ABR: variants seen among roughly 807,000 people sequenced by gnomAD.
ABR encodes ABR activator of RhoGEF and GTPase, also known as active breakpoint cluster region-related protein.
In ABR, 35 loss-of-function variants were observed where a neutral mutation model predicts 107.2. The ratio of observed to expected loss-of-function variants is 0.33; its 90% CI spans 0.25 to 0.43. The LOEUF (loss-of-function observed/expected upper bound fraction) is 0.43. Ranked by LOEUF, ABR falls within the 20% of genes least tolerant of loss-of-function variation. The probability of loss-of-function intolerance (pLI) is 1.00; values close to 1 mark genes in which losing one functional copy is unlikely to be tolerated. For missense variants in ABR, 815 were observed against 1,115.2 expected (o/e 0.73, Z 3.83); for synonymous variants, 498 against 462.0 (o/e 1.08, Z -1.00).
At position 1,172,365 on chromosome 17, in the gene ABR, G is replaced by A. The variant is rs760057470; in HGVS notation, c.61+7302C>T. ...CCCCTTCACAAGGTCTCTGGGTCAGGTTCTCCTCAAGCTTCAGGGACCAGT... is the reference window on the plus strand; with the variant it reads ...CCCCTTCACAAGGTCTCTGGGTCAGATTCTCCTCAAGCTTCAGGGACCAGT... On this transcript the variant is annotated intron_variant, in intron 1 of 22. Transcript: ENST00000302538. 2.0e-5 allele frequency among the ~76,000 whole-genome samples: 3 copies of A among 152,186 alleles called. No individual in the cohort carries two copies. In the South Asian group the frequency reaches 6.2e-4, roughly 32 times the overall value.
rs1263472200 is a variant in ABR at position 1,179,144 on chromosome 17, TC to T, written c.61+522del. Among the ~76,000 whole-genome samples, 1 of 150,574 alleles carries T rather than the reference TC, an allele frequency of 6.6e-6. No homozygotes were observed. Among genetic ancestry groups the T allele is most frequent in the Non-Finnish European group, 1.5e-5 (1 of 67,696 alleles). On this transcript the variant is annotated intron_variant, in intron 1 of 22. Transcript: ENST00000302538. This position sits in a 1 kb window ranked among gnomAD's most constrained non-coding sequence, Gnocchi z 4.9. ...GGATATCTGCACCCCCCGTCTCCCC[TC>T]CCACCCGATCCCACCCCAGCACCGA...
In ABR at chr17:1,125,789, T is replaced by TC. The variant is rs2039574298; in HGVS notation, c.62-423dup. ...AGGAGGTGGGGGGGGCCGGTCGATG[T>TC]CACTTCCTGTGGCCCTCCTCCTTGG... On this transcript the variant is annotated intron_variant, in intron 1 of 22. Coordinates refer to ENST00000302538, the MANE Select transcript of ABR (RefSeq NM_021962.5). The TC allele has an allele frequency of 2.4e-5, 5 of 211,320 alleles. No individual in the cohort carries two copies. In the South Asian group the frequency reaches 9.0e-4, roughly 38 times the overall value. The allele number at this position is 211,320 out of a possible 1,614,324, so 13.1% of individuals were successfully genotyped here.
At chr17:1,049,204 C>A (rs2032137577) in intron 16 of ABR, among the ~76,000 whole-genome samples, 1 of 152,040 alleles carries the variant, frequency 6.6e-6, no homozygotes, top group Non-Finnish European at 1.5e-5. Context: ...TTTTTGGAGA[C>A]ACGGTCTGAC....
At chr17:1,145,536 C>T (rs1004425814) in intron 1 of ABR, among the ~76,000 whole-genome samples, 2 of 152,220 alleles carry the variant, frequency 1.3e-5, no homozygotes, top group Admixed American at 6.5e-5. Flanking sequence ...TTCAATCCAA[C>T]GGTGCTCACC....
rs1156328262 is a variant in ABR, at chr17:1,157,970, T to C, written c.61+21697A>G. ...TTATGAGGCTCATTTCAAGCGTGCA[T>C]GGGTATATGTGTGTGTGCAGATGTA... On this transcript the variant is annotated intron_variant, in intron 1 of 22. Transcript: ENST00000302538. The surrounding 1 kb of genome is among the most constrained non-coding windows in gnomAD (Gnocchi z 4.7). 1.3e-5 allele frequency among the ~76,000 whole-genome samples: 2 copies of C among 152,176 alleles called. No homozygotes were observed. Among genetic ancestry groups the C allele is most frequent in the East Asian group, 1.9e-4 (1 of 5,196 alleles).
chr17:1,202,618 G>C (rs1181983475), intron 1 of ABR, among the ~76,000 whole-genome samples: 1 of 152,032 alleles, frequency 6.6e-6, no homozygotes, highest in Admixed American at 6.6e-5. Flanking sequence ...CTTCACATAT[G>C]AGCTGGCAGC....
At chr17:1,023,170 G>A (rs1296336842) in intron 16 of ABR, among the ~76,000 whole-genome samples, 9 of 151,862 alleles carry the variant, frequency 5.9e-5, no homozygotes, top group African/African-American at 9.7e-5. Context: ...CCGGCCCCAC[G>A]TCCACTCCAG....
At chr17:1,185,364 G>A in intron 1 of ABR, among the ~76,000 whole-genome samples, 1 of 152,142 alleles carries the variant, frequency 6.6e-6, no homozygotes, top group East Asian at 1.9e-4. Context: ...TGCGCCCAGG[G>A]CCAGGCACAG....
chr17:1,223,529 C>T (rs1169975752), intron 1 of ABR, among the ~76,000 whole-genome samples: 1 of 152,070 alleles, frequency 6.6e-6, no homozygotes, highest in African/African-American at 2.4e-5. Flanking sequence ...AGCTGGGTGA[C>T]CATGGGCAAT....
At position 1,037,820 on chromosome 17, in the gene ABR, T is replaced by C. The variant is rs771487580; in HGVS notation, c.1791+12230A>G. The stretch of plus-strand genomic sequence containing the variant: ...CCGAACACCTCCCTTCCACCCAAGC[T>C]CCGAGCTCATGGTGGCCAGAAGCAA... On this transcript the variant is annotated intron_variant, in intron 16 of 22. Coordinates refer to ENST00000302538, the MANE Select transcript of ABR (RefSeq NM_021962.5). The surrounding 1 kb of genome is among the most constrained non-coding windows in gnomAD (Gnocchi z 4.6). Among the ~76,000 whole-genome samples the C allele has an allele frequency of 6.6e-6, 1 of 151,942 alleles. No homozygotes were observed. The highest frequency in any genetic ancestry group is 1.5e-5 in the Non-Finnish European group (1 of 67,980).
At chr17:1,204,898 TTTC>T (rs201919840) in intron 1 of ABR, among the ~76,000 whole-genome samples, 2,016 of 19,874 alleles carry the variant, frequency 0.1, 90 homozygotes, top group African/African-American at 0.15. Context: ...TCTTTTTCTT[TTTC>T]TTTTTTTTTT....
At chr17:1,162,743 G>C (rs553328164) in intron 1 of ABR, among the ~76,000 whole-genome samples, 23 of 150,280 alleles carry the variant, frequency 1.5e-4, no homozygotes, top group Admixed American at 1.2e-3. Flanking sequence ...TGAAAGGCTA[G>C]GCCAAGCACC....
rs373033301 is a variant in ABR at position 1,150,130 on chromosome 17, G to A, written c.62-24763C>T. ...ACCGAGAGGAAGGCCAGCTTGCCCG[G>A]TGTCTTCTCAAGGGCTGACACACTT... On this transcript the variant is annotated intron_variant, in intron 1 of 22. Coordinates refer to ENST00000302538, the MANE Select transcript of ABR (RefSeq NM_021962.5). The surrounding 1 kb of genome is among the most constrained non-coding windows in gnomAD (Gnocchi z 4.8). 5.3e-5 allele frequency among the ~76,000 whole-genome samples: 8 copies of A among 151,610 alleles called. No individual in the cohort carries two copies. The highest frequency in any genetic ancestry group is 3.9e-4 in the Admixed American group (6 of 15,238).
Position 1,092,857 on chromosome 17 carries a change from G to T in ABR, c.346-1007C>A, listed in dbSNP as rs1305497325. On this transcript the variant is annotated intron_variant, in intron 3 of 22. Transcript: ENST00000302538. The surrounding 1 kb of genome is among the most constrained non-coding windows in gnomAD (Gnocchi z 4.6). Reference sequence around the variant, plus strand: ...GAATTCTTTTTTTTTTGGAGACGGAGTCTCGCTCTGTCGCCCAGGCTGGAG... The same window carrying T: ...GAATTCTTTTTTTTTTGGAGACGGATTCTCGCTCTGTCGCCCAGGCTGGAG... Among the ~76,000 whole-genome samples the T allele has an allele frequency of 5.3e-5, 8 of 151,122 alleles. No homozygotes were observed.
intron 16 of ABR, among the ~76,000 whole-genome samples, chr17:1,040,495 C>T (rs1482225173): frequency 3.3e-5 from 5 of 152,254 alleles, no homozygotes; most frequent in East Asian, 1.9e-4. Flanking sequence ...TTGACTTCCC[C>T]GCCCCTGCTA....
At chr17:1,020,316 C>T (rs2071521558) in intron 16 of ABR, among the ~76,000 whole-genome samples, 1 of 152,218 alleles carries the variant, frequency 6.6e-6, no homozygotes, top group African/African-American at 2.4e-5. Flanking sequence ...CTCCTGACCT[C>T]AGGTGATCCA....
At chr17:1,063,477 G>T in intron 10 of ABR, among the ~76,000 whole-genome samples, 1 of 148,906 alleles carries the variant, frequency 6.7e-6, no homozygotes. Context: ...AGACGCTGTT[G>T]TTATGTGAAC....
At chr17:1,060,677 A>G (rs1229285085) in intron 10 of ABR, among the ~76,000 whole-genome samples, 1 of 152,096 alleles carries the variant, frequency 6.6e-6, no homozygotes, top group African/African-American at 2.4e-5. Context: ...TAGAAAAAAC[A>G]TGAAAATTTA....
intron 1 of ABR, among the ~76,000 whole-genome samples, chr17:1,168,552 C>G (rs2041597989): frequency 2.6e-5 from 4 of 152,160 alleles, no homozygotes; most frequent in Admixed American, 2.6e-4. Context: ...AAGAGGTTCC[C>G]CCAGTCTGGA....
Sources: gnomAD v4.1 joint callset for allele counts (sites outside exome capture counted in the v4.1 genomes callset) on GRCh38, gnomAD v4.1.1 for gene constraint, Gnocchi (gnomAD v3.1) non-coding constraint, MANE v1.5 for transcripts, NCBI Gene and HGNC (gene_info 2026-07-23, HGNC 2026-07-21) for gene names.